NDUFV2: variants seen among roughly 807,000 people sequenced by gnomAD.
The protein encoded by NDUFV2 is NADH dehydrogenase [ubiquinone] flavoprotein 2, mitochondrial.
Under a neutral mutation model 31.6 loss-of-function variants are expected in NDUFV2, and 18 were observed. The observed-to-expected ratio is 0.57, with a 90% CI of 0.39 to 0.84. The LOEUF is 0.84. Ranked by LOEUF, NDUFV2 falls within the 40% of genes least tolerant of loss-of-function variation. The pLI is 0.00. For synonymous variants in NDUFV2, 83 were observed against 99.8 expected (o/e 0.83, Z 1.01); for missense variants, 314 against 303.6 (o/e 1.03, Z -0.26).
At chr18:9,117,038 CT>C (rs11348180) in intron 1 of NDUFV2, among the ~76,000 whole-genome samples, 24,901 of 143,518 alleles carry the variant, frequency 0.17, 2,112 homozygotes, top group Middle Eastern at 0.21. Context: ...TCTGAAACTA[CT>C]TTTTTTTTTT....
chr18:9,105,788 G>C (rs998817773), intron 1 of NDUFV2, among the ~76,000 whole-genome samples: 1 of 152,182 alleles, frequency 6.6e-6, no homozygotes, highest in African/African-American at 2.4e-5. Context: ...GCAATTGTAA[G>C]TCAGCGACCC....
chr18:9,124,193 TG>T (rs1250901405), intron 5 of NDUFV2, among the ~76,000 whole-genome samples: 2 of 150,054 alleles, frequency 1.3e-5, no homozygotes, highest in East Asian at 1.9e-4. Context: ...GTTTTTTTTT[TG>T]TTTTTTTTTT....
At chr18:9,122,476 T>C (rs1291832637) in intron 4 of NDUFV2, 37 bp from the exon 5 acceptor site, 4 of 1,524,314 alleles carry the variant, frequency 2.6e-6, no homozygotes, top group Non-Finnish European at 2.7e-6. Context: ...TTACTAACAC[T>C]GTAATTATCT....
intron 7 of NDUFV2, among the ~76,000 whole-genome samples, chr18:9,128,319 T>C (rs551055278): frequency 6.6e-6 from 1 of 152,366 alleles, no homozygotes; most frequent in East Asian, 1.9e-4. Context: ...GTTTGCTCTC[T>C]AAAACTACTA....
intron 4 of NDUFV2, among the ~76,000 whole-genome samples, chr18:9,120,698 A>C (rs529103060): frequency 3.9e-4 from 59 of 152,290 alleles, no homozygotes; most frequent in African/African-American, 1.3e-3. Context: ...AAATATTATA[A>C]AGCAAGTTTA....
intron 7 of NDUFV2, among the ~76,000 whole-genome samples, chr18:9,128,955 C>T (rs531910027): frequency 1.5e-4 from 23 of 152,148 alleles, no homozygotes; most frequent in African/African-American, 5.5e-4. Flanking sequence ...TCCCCTCACC[C>T]GAGATGGAGT....
intron 1 of NDUFV2, chr18:9,104,206 G>A (rs777271069): frequency 6.2e-7 from 1 of 1,612,692 alleles, no homozygotes; most frequent in Non-Finnish European, 8.5e-7. Flanking sequence ...TGTATGAGAA[G>A]CCACCCTCTG....
At chr18:9,124,058 GAA>G (rs2144750194) in intron 5 of NDUFV2, among the ~76,000 whole-genome samples, 1 of 152,166 alleles carries the variant, frequency 6.6e-6, no homozygotes, top group South Asian at 2.1e-4. Context: ...CAATCAAAAT[GAA>G]AATAATACAG....
chr18:9,134,166 A>G lies in NDUFV2; in HGVS notation c.657-20A>G. On this transcript the variant is annotated intron_variant, in intron 7 of 7. Coordinates refer to ENST00000318388, the MANE Select transcript of NDUFV2 (RefSeq NM_021074.5). ...TACAAATGTTAATCATTAATAGTTT[A>G]ATATTACTTTTCATTTCAGGAGTGG... 1 of 1,582,396 alleles carries G rather than the reference A, an allele frequency of 6.3e-7. No homozygotes were observed. Among genetic ancestry groups the G allele is most frequent in the Middle Eastern group, 1.7e-4 (1 of 5,948 alleles).
Position 9,104,297 on chromosome 18 carries a change from A to G in NDUFV2, c.54+1500A>G, listed in dbSNP as rs539584942. The G allele has an allele frequency of 1.1e-4, 175 of 1,610,256 alleles. 1 individual carries two copies. The African/African-American group carries it at 2.1e-3, about 19-fold the overall frequency. On this transcript the variant is annotated intron_variant, in intron 1 of 7. Coordinates refer to ENST00000318388, the MANE Select transcript of NDUFV2 (RefSeq NM_021074.5). The stretch of plus-strand genomic sequence containing the variant: ...ATTGGAGCTCCTGGCGTGCCATACT[A>G]AAGAATTTGATTTTAGAGGCCGTCA...
chr18:9,130,665 C>T (rs2078032434), intron 7 of NDUFV2, among the ~76,000 whole-genome samples: 1 of 152,058 alleles, frequency 6.6e-6, no homozygotes, highest in South Asian at 2.1e-4. Flanking sequence ...TATAGTTATT[C>T]TAAATTAACC....
chr18:9,106,296 CAAA>C (rs1379568538), intron 1 of NDUFV2, among the ~76,000 whole-genome samples: 1 of 152,172 alleles, frequency 6.6e-6, no homozygotes. Flanking sequence ...GAAGAAAAAA[CAAA>C]AACCTCATTG....
rs760685057 is a variant in NDUFV2, at chr18:9,102,771, C to G, written c.28C>G (p.Arg10Gly). Residue 10 changes from arginine to glycine, a missense_variant, in exon 1 of 8, where the codon CGG becomes GGG. By Grantham distance (125) the Arg-to-Gly change is moderately radical. Transcript: ENST00000318388. Reference protein sequence around the residue: MFFSAALRARAAGLTAHWGR... With the variant: MFFSAALRAGAAGLTAHWGR... ...GTTCTTCTCCGCGGCGCTCCGGGCC[C>G]GGGCGGCTGGCCTCACCGCCCACTG... is the stretch of plus-strand genomic sequence containing the variant. 5 of 1,583,712 alleles carry G rather than the reference C, an allele frequency of 3.2e-6. No individual in the cohort carries two copies. Among genetic ancestry groups the G allele is most frequent in the East Asian group, 2.3e-5 (1 of 43,262 alleles).
chr18:9,119,663 A>G, intron 4 of NDUFV2, 73 bp downstream of exon 4: 1 of 1,233,072 alleles, frequency 8.1e-7, no homozygotes, highest in Non-Finnish European at 1.2e-6. Context: ...TATAGAAATT[A>G]CTCTGATCAT....
At chr18:9,109,022 G>A (rs2077856315) in intron 1 of NDUFV2, among the ~76,000 whole-genome samples, 2 of 152,100 alleles carry the variant, frequency 1.3e-5, no homozygotes, top group Admixed American at 1.3e-4. Flanking sequence ...AAATTACCTA[G>A]TCTGAATGAA....
At chr18:9,128,677 T>TC (rs2078013582) in intron 7 of NDUFV2, among the ~76,000 whole-genome samples, 2 of 152,094 alleles carry the variant, frequency 1.3e-5, no homozygotes, top group South Asian at 4.1e-4. Context: ...ATAGACACTG[T>TC]CCCCCCAAAA....
intron 5 of NDUFV2, 88 bp downstream of exon 5, chr18:9,122,769 C>G (rs1229540376): frequency 7.3e-7 from 1 of 1,361,756 alleles, no homozygotes; most frequent in African/African-American, 1.4e-5. Context: ...TTTCCAACTT[C>G]TGCCATCTTA....
At chr18:9,121,661 AC>A (rs1245620364) in intron 4 of NDUFV2, among the ~76,000 whole-genome samples, 5 of 152,248 alleles carry the variant, frequency 3.3e-5, no homozygotes, top group African/African-American at 1.2e-4. Context: ...ATAATAGGTC[AC>A]CTAGAAAGTT....
intron 7 of NDUFV2, among the ~76,000 whole-genome samples, chr18:9,130,349 AAT>A (rs1361439020): frequency 6.6e-6 from 1 of 152,238 alleles, no homozygotes; most frequent in African/African-American, 2.4e-5. Context: ...AGTAATCATG[AAT>A]AGTTTTTCGC....
Sources: allele counts gnomAD v4.1 joint callset (sites outside exome capture counted in the v4.1 genomes callset), GRCh38; gene constraint gnomAD v4.1.1; transcripts MANE v1.5; gene names NCBI Gene and HGNC (gene_info 2026-07-23, HGNC 2026-07-21).